The following SNTG2 variants were observed in gnomAD, a reference collection of about 807,000 sequenced individuals.
SNTG2 encodes the protein syntrophin gamma 2, also known as gamma-2-syntrophin.
A neutral mutation model predicts 70.9 loss-of-function variants in SNTG2; 74 were observed. The ratio of observed to expected loss-of-function variants is 1.04; its 90% CI spans 0.86 to 1.27. SNTG2 has a LOEUF of 1.27. Ranked by LOEUF, SNTG2 falls within the 50% of genes most tolerant of loss-of-function variation. SNTG2 has a pLI of 0.00. For synonymous variants in SNTG2, 278 were observed against 273.8 expected (o/e 1.02, Z -0.15); for missense variants, 717 against 690.7 (o/e 1.04, Z -0.43).
chr2:1,232,870 TAC>T (rs1015300337), intron 9 of SNTG2, among the ~76,000 whole-genome samples: 2 of 152,132 alleles, frequency 1.3e-5, no homozygotes, highest in African/African-American at 4.8e-5. Flanking sequence ...TGAGCTAAAA[TAC>T]ACACACATGC....
At chr2:1,202,465 G>A (rs1167793851) in intron 8 of SNTG2, among the ~76,000 whole-genome samples, 1 of 149,734 alleles carries the variant, frequency 6.7e-6, no homozygotes, top group Non-Finnish European at 1.5e-5. Flanking sequence ...AGAGGATCGT[G>A]AAAAAAAAAT....
At chr2:1,167,256 C>T (rs114756591) in intron 7 of SNTG2, among the ~76,000 whole-genome samples, 3,619 of 149,862 alleles carry the variant, frequency 0.024, 111 homozygotes, top group African/African-American at 0.084. Context: ...AGAACTGAAA[C>T]CAACAAGCCG....
At chr2:985,485 C>T (rs1364094135) in intron 1 of SNTG2, among the ~76,000 whole-genome samples, 1 of 152,078 alleles carries the variant, frequency 6.6e-6, no homozygotes, top group Non-Finnish European at 1.5e-5. Flanking sequence ...AATAAGAGGG[C>T]CTGCAGCTCC....
chr2:972,777 C>T (rs1331011330), intron 1 of SNTG2, among the ~76,000 whole-genome samples: 3 of 152,108 alleles, frequency 2.0e-5, no homozygotes, highest in African/African-American at 4.8e-5. Context: ...CCATATATGA[C>T]CTCTTGCTCC....
At chr2:1,199,176 A>G (rs942516974) in intron 8 of SNTG2, among the ~76,000 whole-genome samples, 7 of 150,556 alleles carry the variant, frequency 4.6e-5, no homozygotes, top group African/African-American at 1.7e-4. Flanking sequence ...TAAAAAGGTA[A>G]CACACCATCA....
At position 1,094,355 on chromosome 2, in the gene SNTG2, A is replaced by G. The variant is rs1314976655; in HGVS notation, c.211-3841A>G. On this transcript the variant is annotated intron_variant, in intron 2 of 16. Coordinates refer to ENST00000308624, the MANE Select transcript of SNTG2 (RefSeq NM_018968.4). Reference sequence around the variant, plus strand: ...GAAGGCCTTATAGGTGTGTCCTCATATGGTAGAGTTACTGGCAAGGGCTGG... The same window carrying G: ...GAAGGCCTTATAGGTGTGTCCTCATGTGGTAGAGTTACTGGCAAGGGCTGG... Among the ~76,000 whole-genome samples, 16 of 56,230 alleles carry G rather than the reference A, an allele frequency of 2.8e-4. 3 individuals are homozygous for G. The highest frequency in any genetic ancestry group is 1.3e-3 in the African/African-American group (14 of 10,646). The allele number at this position is 56,230 out of a possible 152,430, so 36.9% of individuals were successfully genotyped here. A position where few individuals can be genotyped will look rare whatever the true frequency, so the allele number is the denominator to read the frequency against.
At chr2:965,213 A>T (rs111626967) in intron 1 of SNTG2, among the ~76,000 whole-genome samples, 1 of 64,232 alleles carries the variant, frequency 1.6e-5, no homozygotes, top group Non-Finnish European at 3.6e-5. Flanking sequence ...CTGGTCCCCA[A>T]TCCTCCTCCT....
At chr2:1,254,725 A>T (rs1215980415) in intron 12 of SNTG2, among the ~76,000 whole-genome samples, 1 of 152,208 alleles carries the variant, frequency 6.6e-6, no homozygotes, top group Non-Finnish European at 1.5e-5. Flanking sequence ...GTGTGGCCAG[A>T]TACTTAGAAA....
chr2:1,295,003 C>T (rs1478210180), intron 14 of SNTG2, among the ~76,000 whole-genome samples: 1 of 152,232 alleles, frequency 6.6e-6, no homozygotes, highest in Admixed American at 6.5e-5. Context: ...CGCAGGCTGT[C>T]TCGTTCACTC....
intron 4 of SNTG2, among the ~76,000 whole-genome samples, chr2:1,134,657 G>A (rs57282465): frequency 0.018 from 2,719 of 152,290 alleles, 97 homozygotes; most frequent in African/African-American, 0.061. Context: ...AGCCTAGCTG[G>A]CTTCACCCAG....
chr2:1,291,445 C>T (rs1054136281), intron 14 of SNTG2, among the ~76,000 whole-genome samples: 1 of 151,990 alleles, frequency 6.6e-6, no homozygotes, highest in African/African-American at 2.4e-5. Context: ...TGCAGTATTC[C>T]CCCTATTTTT....
At chr2:1,106,023 ACG>A (rs1666108615) in intron 4 of SNTG2, among the ~76,000 whole-genome samples, 2 of 111,700 alleles carry the variant, frequency 1.8e-5, no homozygotes, top group Non-Finnish European at 4.0e-5. Flanking sequence ...AATAATGGAC[ACG>A]TGCTGTCACT....
intron 1 of SNTG2, among the ~76,000 whole-genome samples, chr2:984,595 CCTGT>C (rs1290616771): frequency 6.6e-6 from 1 of 152,190 alleles, no homozygotes; most frequent in African/African-American, 2.4e-5. Context: ...TGTGGCCTCA[CCTGT>C]CTGTCCTGAG....
At chr2:1,113,182 A>G (rs1238773319) in intron 4 of SNTG2, among the ~76,000 whole-genome samples, 8 of 150,096 alleles carry the variant, frequency 5.3e-5, no homozygotes, top group African/African-American at 1.7e-4. Context: ...TTTAACCCTT[A>G]CAGTCCTTTG....
chr2:1,252,850 T>G lies in SNTG2; in HGVS notation c.1005+5407T>G, dbSNP rs147847228. The stretch of plus-strand genomic sequence containing the variant: ...AAATCATGTATTAGTATTCACCAAC[T>G]TCTCATTGCAAAATCAATACACACA... On this transcript the variant is annotated intron_variant, in intron 12 of 16. Transcript: ENST00000308624. Among the ~76,000 whole-genome samples, 25 of 152,306 alleles carry G rather than the reference T, an allele frequency of 1.6e-4. 2 individuals carry two copies. The highest frequency in any genetic ancestry group is 5.5e-4 in the African/African-American group (23 of 41,566).
At chr2:1,349,165 G>C (rs908338814) in intron 16 of SNTG2, among the ~76,000 whole-genome samples, 2 of 152,210 alleles carry the variant, frequency 1.3e-5, no homozygotes, top group Admixed American at 6.5e-5. Flanking sequence ...GGGTGATAGG[G>C]ATGTCCAAAC....
At chr2:985,496 C>T (rs1407683364) in intron 1 of SNTG2, among the ~76,000 whole-genome samples, 1 of 152,110 alleles carries the variant, frequency 6.6e-6, no homozygotes, top group Non-Finnish European at 1.5e-5. Flanking sequence ...CTGCAGCTCC[C>T]CAGCTCCCCC....
rs936233850 is a variant in SNTG2 at position 988,917 on chromosome 2, C to T, written c.72+37849C>T. Among the ~76,000 whole-genome samples, 5 of 152,202 alleles carry T rather than the reference C, an allele frequency of 3.3e-5. No homozygotes were observed. The East Asian group carries it at 7.7e-4, about 23-fold the overall frequency. ...TTAGATCTCCTTTGAATTCTACCAG[C>T]CATGTTTTACAATTTTCGTTGCATG... On this transcript the variant is annotated intron_variant, in intron 1 of 16. Transcript: ENST00000308624.
intron 6 of SNTG2, among the ~76,000 whole-genome samples, chr2:1,152,392 C>A (rs184395495): frequency 6.6e-6 from 1 of 152,210 alleles, no homozygotes; most frequent in Non-Finnish European, 1.5e-5. Flanking sequence ...AGGCCGTGTG[C>A]ATGCTGGTGT....
Sources: gnomAD v4.1 joint callset for allele counts (sites outside exome capture counted in the v4.1 genomes callset) on GRCh38, gnomAD v4.1.1 for gene constraint, MANE v1.5 for transcripts, NCBI Gene and HGNC (gene_info 2026-07-23, HGNC 2026-07-21) for gene names.